The following SLF1 variants were observed in gnomAD, a reference collection of about 807,000 sequenced individuals.
The protein encoded by SLF1 is SMC5-SMC6 complex localization factor protein 1.
A neutral mutation model predicts 123.0 loss-of-function variants in SLF1; 105 were observed. The observed-to-expected ratio is 0.85, with a 90% confidence interval of 0.73 to 1.00. The LOEUF (loss-of-function observed/expected upper bound fraction) is 1.00, where lower values mean the gene tolerates loss of function less well. SLF1 is among the 50% of genes least tolerant of loss of function. The pLI is 0.00. For synonymous variants in SLF1, 434 were observed against 406.6 expected, an observed-to-expected ratio of 1.07 and a Z score of -0.81; for missense variants, 1,239 against 1,223.0, an observed-to-expected ratio of 1.01 and a Z score of -0.20.
chr5:94,689,096 GCTT>G (rs1465609365), intron 17 of SLF1, among the ~76,000 whole-genome samples: 2 of 152,188 alleles, frequency 1.3e-5, no homozygotes, highest in Non-Finnish European at 2.9e-5. Context: ...AAGCCTGAAA[GCTT>G]CTGTGAGAGG....
intron 4 of SLF1, among the ~76,000 whole-genome samples, chr5:94,634,137 A>G (rs962588179): frequency 6.6e-6 from 1 of 152,240 alleles, no homozygotes; most frequent in Non-Finnish European, 1.5e-5. Context: ...TCTAACTGTA[A>G]TTCAGATTAG....
In SLF1 at chr5:94,631,232, G is replaced by T. The variant is rs1376936362; in HGVS notation, c.431+489G>T. ...TGTTACTTTTTTTTTTATGGCAAGAGGGTGGGGAGTGTTTTTGTCTCTTAG... is the reference window on the plus strand; with the variant it reads ...TGTTACTTTTTTTTTTATGGCAAGATGGTGGGGAGTGTTTTTGTCTCTTAG... On this transcript the variant is annotated intron_variant, in intron 4 of 20. Coordinates refer to ENST00000265140, the MANE Select transcript of SLF1 (RefSeq NM_032290.4). Among the ~76,000 whole-genome samples the T allele has an allele frequency of 1.1e-4, 17 of 151,862 alleles. 1 individual carries two copies. Among genetic ancestry groups the T allele is most frequent in the African/African-American group, 3.9e-4 (16 of 41,344 alleles).
chr5:94,662,190 A>G, intron 9 of SLF1, 108 bp from the exon 10 acceptor site: 1 of 801,122 alleles, frequency 1.2e-6, no homozygotes, highest in Non-Finnish European at 1.9e-6. Flanking sequence ...TATAGCTATT[A>G]ATGTGTTCCT....
intron 3 of SLF1, chr5:94,629,645 A>G (rs1193389307): frequency 1.3e-5 from 2 of 152,264 alleles, no homozygotes; most frequent in African/African-American, 4.8e-5. Flanking sequence ...CTTCTCCTCT[A>G]TCGTTTTGTA....
chr5:94,681,604 G>A (rs904650089), intron 15 of SLF1, among the ~76,000 whole-genome samples: 3 of 151,546 alleles, frequency 2.0e-5, no homozygotes, highest in East Asian at 1.9e-4. Flanking sequence ...CCACTAACTC[G>A]TCATCTAGCA....
chr5:94,627,651 G>T (rs1744667454), intron 1 of SLF1, among the ~76,000 whole-genome samples: 1 of 132,158 alleles, frequency 7.6e-6, no homozygotes, highest in African/African-American at 2.8e-5. Flanking sequence ...TTGCAAATAG[G>T]ATCTAGGATT....
chr5:94,653,774 G>T (rs1748036501), intron 8 of SLF1, among the ~76,000 whole-genome samples: 1 of 152,008 alleles, frequency 6.6e-6, no homozygotes, highest in South Asian at 2.1e-4. Flanking sequence ...TTGCTCTTTT[G>T]TATAGTACAG....
chr5:94,621,440 C>T (rs1453207711), intron 1 of SLF1, among the ~76,000 whole-genome samples: 1 of 152,210 alleles, frequency 6.6e-6, no homozygotes, highest in African/African-American at 2.4e-5. Context: ...GTATAAACCA[C>T]AGTAGGTCCT....
chr5:94,651,410 A>G (rs1335457803), intron 6 of SLF1, among the ~76,000 whole-genome samples: 2 of 152,186 alleles, frequency 1.3e-5, no homozygotes, highest in Non-Finnish European at 2.9e-5. Flanking sequence ...AAAAATAGCT[A>G]TTTTGGTATA....
At chr5:94,689,650 G>C (rs199874770) in intron 18 of SLF1, 44 bp downstream of exon 18, 3 of 1,548,532 alleles carry the variant, frequency 1.9e-6, no homozygotes, top group Non-Finnish European at 2.6e-6. Flanking sequence ...AACTTTTCAT[G>C]GTTATAGTCA....
chr5:94,690,160 ATT>A (rs1312341618), intron 18 of SLF1, among the ~76,000 whole-genome samples: 4 of 152,200 alleles, frequency 2.6e-5, no homozygotes, highest in African/African-American at 9.6e-5. Context: ...TAGCATAATA[ATT>A]CACTTTGGCA....
intron 18 of SLF1, chr5:94,691,300 A>G (rs187252442): frequency 1.6e-5 from 6 of 386,372 alleles, no homozygotes; most frequent in Middle Eastern, 1.4e-3. Context: ...AGGGGAGACA[A>G]TGCCTGTGTT....
chr5:94,689,111 A>C (rs1384915257), intron 17 of SLF1, among the ~76,000 whole-genome samples: 5 of 152,080 alleles, frequency 3.3e-5, no homozygotes, highest in Non-Finnish European at 4.4e-5. Flanking sequence ...TGTGAGAGGA[A>C]GAAGAGAATA....
intron 4 of SLF1, among the ~76,000 whole-genome samples, chr5:94,632,094 G>C (rs891284916): frequency 2.0e-5 from 3 of 151,862 alleles, no homozygotes; most frequent in African/African-American, 7.3e-5. Context: ...GCTGCAGAGA[G>C]CTATGAACTG....
chr5:94,639,977 T>C (rs1746264175), intron 4 of SLF1, among the ~76,000 whole-genome samples: 1 of 152,234 alleles, frequency 6.6e-6, no homozygotes, highest in South Asian at 2.1e-4. Flanking sequence ...CCTCTGTGTA[T>C]TATAAACTTC....
rs58847356 is a variant in SLF1 at position 94,627,585 on chromosome 5, C to CATATATATATATATATATATAT, written c.1-1212_1-1191dup. 2.4e-4 allele frequency among the ~76,000 whole-genome samples: 21 copies of CATATATATATATATATATATAT among 86,832 alleles called. 3 individuals carry two copies. Among genetic ancestry groups the CATATATATATATATATATATAT allele is most frequent in the Non-Finnish European group, 4.1e-4 (17 of 41,052 alleles). The allele number at this position is 86,832 out of a possible 152,430, so 57.0% of individuals were successfully genotyped here. A position where few individuals can be genotyped will look rare whatever the true frequency, so the allele number is the denominator to read the frequency against. On this transcript the variant is annotated intron_variant, in intron 1 of 20. Coordinates refer to ENST00000265140, the MANE Select transcript of SLF1 (RefSeq NM_032290.4). ...TCTACCTTGTAAATGATGAAATTAA[C>CATATATATATATATATATATAT]ATATATATATATATATATATATATA...
intron 1 of SLF1, among the ~76,000 whole-genome samples, chr5:94,621,219 G>A (rs922593547): frequency 1.1e-4 from 16 of 152,160 alleles, no homozygotes; most frequent in Admixed American, 3.9e-4. Flanking sequence ...ATTAGACTAA[G>A]TTCTGCAATT....
At chr5:94,647,883 A>G (rs972609299) in intron 5 of SLF1, among the ~76,000 whole-genome samples, 4 of 152,344 alleles carry the variant, frequency 2.6e-5, no homozygotes, top group African/African-American at 4.8e-5. Flanking sequence ...TATGTAGGGT[A>G]CTAGTATCAT....
chr5:94,655,651 A>G (rs1207785300), intron 9 of SLF1, among the ~76,000 whole-genome samples: 1 of 152,002 alleles, frequency 6.6e-6, no homozygotes, highest in Non-Finnish European at 1.5e-5. Flanking sequence ...TTTTCCTTGT[A>G]GAGATCTTTC....
Sources: gnomAD v4.1 joint callset for allele counts (sites outside exome capture counted in the v4.1 genomes callset) on GRCh38, gnomAD v4.1.1 for gene constraint, MANE v1.5 for transcripts, NCBI Gene and HGNC (gene_info 2026-07-23, HGNC 2026-07-21) for gene names.